PARVA: variants seen among roughly 807,000 people sequenced by gnomAD.
PARVA encodes the protein alpha-parvin.
PARVA carries 25 observed loss-of-function variants against 52.6 expected under a neutral mutation model. The observed-to-expected ratio is 0.48, with a 90% confidence interval of 0.35 to 0.66. The LOEUF is 0.66. Among genes scored for constraint, PARVA ranks in the 30% least tolerant of loss-of-function variants. The probability of loss-of-function intolerance (pLI) is 0.01; values close to 1 mark genes in which losing one functional copy is unlikely to be tolerated. For synonymous variants in PARVA, 185 were observed against 179.1 expected, an observed-to-expected ratio of 1.03 and a Z score of -0.26; for missense variants, 373 against 450.9, an observed-to-expected ratio of 0.83 and a Z score of 1.56.
chr11:12,444,570 G>T (rs1219872416), intron 1 of PARVA, among the ~76,000 whole-genome samples: 2 of 151,940 alleles, frequency 1.3e-5, no homozygotes, highest in African/African-American at 4.8e-5. Context: ...TCAGCCTCCT[G>T]AGTAGCTGGG....
chr11:12,386,558 C>CTA (rs1235514703), intron 1 of PARVA, among the ~76,000 whole-genome samples: 2 of 152,200 alleles, frequency 1.3e-5, no homozygotes, highest in African/African-American at 4.8e-5. Flanking sequence ...TTGTCACACA[C>CTA]TATGGTGACA....
chr11:12,520,447 G>T (rs113959473), intron 12 of PARVA, among the ~76,000 whole-genome samples: 41 of 152,348 alleles, frequency 2.7e-4, no homozygotes, highest in African/African-American at 9.6e-4. Context: ...ACTGGTTGTG[G>T]TGGAGGCATT....
At chr11:12,461,887 G>A (rs556075805) in intron 1 of PARVA, among the ~76,000 whole-genome samples, 14 of 151,246 alleles carry the variant, frequency 9.3e-5, no homozygotes, top group Admixed American at 1.3e-4. Flanking sequence ...TGTCAACCTC[G>A]GTGACTAGAC....
At chr11:12,409,080 A>C (rs1479100734) in intron 1 of PARVA, among the ~76,000 whole-genome samples, 1 of 152,236 alleles carries the variant, frequency 6.6e-6, no homozygotes, top group Admixed American at 6.5e-5. Context: ...TTGCAGGGCC[A>C]CTGGAAGCCT....
intron 1 of PARVA, among the ~76,000 whole-genome samples, chr11:12,443,274 C>T (rs938030564): frequency 3.4e-5 from 5 of 145,312 alleles, no homozygotes; most frequent in African/African-American, 1.0e-4. Flanking sequence ...CGGGTTGAAG[C>T]GATTCCCTTG....
At chr11:12,486,410 G>A (rs1941159425) in intron 4 of PARVA, among the ~76,000 whole-genome samples, 1 of 152,030 alleles carries the variant, frequency 6.6e-6, no homozygotes, top group South Asian at 2.1e-4. Context: ...GCACATACCT[G>A]TAATCCCAGC....
chr11:12,452,878 G>A (rs1393927383), intron 1 of PARVA: 2 of 367,098 alleles, frequency 5.4e-6, no homozygotes, highest in Non-Finnish European at 1.1e-5. Flanking sequence ...TTCTCTTCGG[G>A]AAGCATTTGA....
At chr11:12,525,333 T>C (rs765201899) in intron 12 of PARVA, among the ~76,000 whole-genome samples, 30 of 152,160 alleles carry the variant, frequency 2.0e-4, no homozygotes, top group Non-Finnish European at 3.8e-4. Flanking sequence ...CTTGGAGTTG[T>C]GCAGTGTACA....
intron 1 of PARVA, among the ~76,000 whole-genome samples, chr11:12,425,073 AC>A (rs1246454757): frequency 1.3e-5 from 2 of 152,286 alleles, no homozygotes; most frequent in East Asian, 3.9e-4. Flanking sequence ...TATTTATATA[AC>A]ATATAATCTT....
At chr11:12,525,236 A>G (rs1221584099) in intron 12 of PARVA, among the ~76,000 whole-genome samples, 1 of 152,184 alleles carries the variant, frequency 6.6e-6, no homozygotes, top group Admixed American at 6.5e-5. Flanking sequence ...TTGTATGGCC[A>G]TACAAGCTGT....
At chr11:12,474,968 T>A (rs1336558388) in intron 3 of PARVA, among the ~76,000 whole-genome samples, 11 of 143,648 alleles carry the variant, frequency 7.7e-5, no homozygotes, top group Non-Finnish European at 1.2e-4. Flanking sequence ...AAAAAAAAAA[T>A]AGCACTGGAT....
intron 12 of PARVA, among the ~76,000 whole-genome samples, chr11:12,519,084 C>T (rs745403038): frequency 4.4e-4 from 67 of 152,234 alleles, no homozygotes; most frequent in Non-Finnish European, 8.1e-4. Flanking sequence ...AGAGGAGGCA[C>T]GCTTCTCTTA....
chr11:12,420,075 T>C (rs1940126716), intron 1 of PARVA, among the ~76,000 whole-genome samples: 1 of 152,200 alleles, frequency 6.6e-6, no homozygotes, highest in South Asian at 2.1e-4. Flanking sequence ...AATGCATTCC[T>C]TGAAGTCTTT....
At chr11:12,453,529 G>A (rs1417299114) in intron 1 of PARVA, among the ~76,000 whole-genome samples, 1 of 152,102 alleles carries the variant, frequency 6.6e-6, no homozygotes, top group Non-Finnish European at 1.5e-5. Flanking sequence ...GTATCTTACT[G>A]TAAGAGCTCC....
intron 1 of PARVA, among the ~76,000 whole-genome samples, chr11:12,385,063 A>G (rs1565323186): frequency 2.6e-5 from 4 of 152,182 alleles, no homozygotes; most frequent in Non-Finnish European, 2.9e-5. Context: ...GAGGCTGGGC[A>G]TGGTGGCTCA....
intron 1 of PARVA, among the ~76,000 whole-genome samples, chr11:12,409,504 T>A (rs145400144): frequency 6.6e-6 from 1 of 152,294 alleles, no homozygotes; most frequent in African/African-American, 2.4e-5. Context: ...GCACCGAATG[T>A]GATCACAAGT....
At chr11:12,453,739 G>A (rs1240249297) in intron 1 of PARVA, among the ~76,000 whole-genome samples, 1 of 152,186 alleles carries the variant, frequency 6.6e-6, no homozygotes, top group Non-Finnish European at 1.5e-5. Context: ...ATGCCTCCCT[G>A]TAGATTTTGA....
At chr11:12,494,083 T>A (rs1941265738) in intron 4 of PARVA, among the ~76,000 whole-genome samples, 1 of 152,192 alleles carries the variant, frequency 6.6e-6, no homozygotes, top group Non-Finnish European at 1.5e-5. Flanking sequence ...TAGTCTATTA[T>A]AAAGGATAAA....
intron 1 of PARVA, among the ~76,000 whole-genome samples, chr11:12,468,344 T>C (rs1306493197): frequency 3.3e-5 from 5 of 152,232 alleles, no homozygotes; most frequent in African/African-American, 1.2e-4. Context: ...TGAATGAAAT[T>C]ACTGGCCTTG....
Sources: gnomAD v4.1 joint callset for allele counts (sites outside exome capture counted in the v4.1 genomes callset) on GRCh38, gnomAD v4.1.1 for gene constraint, MANE v1.5 for transcripts, NCBI Gene and HGNC (gene_info 2026-07-23, HGNC 2026-07-21) for gene names.